GLRB: variants seen among roughly 807,000 people sequenced by gnomAD.
The protein encoded by GLRB is glycine receptor subunit beta.
Under a neutral mutation model 54.2 loss-of-function variants are expected in GLRB, and 33 were observed. The ratio of observed to expected loss-of-function variants is 0.61; its 90% CI spans 0.46 to 0.81. GLRB has a LOEUF of 0.81. Among genes scored for constraint, GLRB ranks in the 40% least tolerant of loss-of-function variants. The probability of loss-of-function intolerance (pLI) is 0.00; values close to 1 mark genes in which losing one functional copy is unlikely to be tolerated. For missense variants in GLRB, 572 were observed against 584.6 expected (o/e 0.98, Z 0.22); for synonymous variants, 209 against 208.2 (o/e 1.00, Z -0.03).
At chr4:157,097,044 A>G (rs916110543) in intron 2 of GLRB, among the ~76,000 whole-genome samples, 5 of 152,142 alleles carry the variant, frequency 3.3e-5, no homozygotes, top group Non-Finnish European at 5.9e-5. Context: ...CCCTCCTTTC[A>G]TTGACTTGGT....
intron 2 of GLRB, among the ~76,000 whole-genome samples, chr4:157,079,000 C>T (rs1278584191): frequency 2.0e-5 from 3 of 152,176 alleles, no homozygotes; most frequent in Non-Finnish European, 2.9e-5. Context: ...TCTCCAACTC[C>T]TGACCCTGGG....
chr4:157,158,657 T>C (rs1321595466), intron 9 of GLRB, among the ~76,000 whole-genome samples: 1 of 152,220 alleles, frequency 6.6e-6, no homozygotes, highest in African/African-American at 2.4e-5. Context: ...TGTGGTATTA[T>C]TTCCAAGGGC....
At chr4:157,089,539 C>A (rs377074073) in intron 2 of GLRB, among the ~76,000 whole-genome samples, 106 of 152,320 alleles carry the variant, frequency 7.0e-4, no homozygotes, top group African/African-American at 2.5e-3. Context: ...TTTCACCCAT[C>A]CCACATGTGG....
At chr4:157,162,455 C>T (rs1205330579) in intron 9 of GLRB, among the ~76,000 whole-genome samples, 1 of 152,180 alleles carries the variant, frequency 6.6e-6, no homozygotes, top group African/African-American at 2.4e-5. Context: ...TCTGGTTTCT[C>T]CCTATCTTTG....
chr4:157,099,549 C>T (rs1371886777), intron 2 of GLRB, among the ~76,000 whole-genome samples: 3 of 152,098 alleles, frequency 2.0e-5, no homozygotes, highest in African/African-American at 7.2e-5. Context: ...GTTGGCCAGG[C>T]TGTCTGGAAC....
rs1463345377 is a variant in GLRB at position 157,095,387 on chromosome 4, C to G, written c.122+17241C>G. On this transcript the variant is annotated intron_variant, in intron 2 of 9. Coordinates refer to ENST00000264428, the MANE Select transcript of GLRB (RefSeq NM_000824.5). ...GAGTAGATAGGAAATGAGGGGAAAACAAGAGTTTAGTTCTGGATGTGTTAA... is the reference window on the plus strand; with the variant it reads ...GAGTAGATAGGAAATGAGGGGAAAAGAAGAGTTTAGTTCTGGATGTGTTAA... Among the ~76,000 whole-genome samples the G allele has an allele frequency of 3.3e-5, 5 of 149,334 alleles. 1 individual carries two copies. Among genetic ancestry groups the G allele is most frequent in the Non-Finnish European group, 1.5e-5 (1 of 67,544 alleles).
At chr4:157,081,026 T>C (rs1300585704) in intron 2 of GLRB, among the ~76,000 whole-genome samples, 1 of 152,214 alleles carries the variant, frequency 6.6e-6, no homozygotes, top group African/African-American at 2.4e-5. Flanking sequence ...TAAACTTTTC[T>C]TGGCCTCTTT....
chr4:157,141,040 T>C (rs146527738), intron 7 of GLRB, among the ~76,000 whole-genome samples: 1 of 152,066 alleles, frequency 6.6e-6, no homozygotes, highest in East Asian at 1.9e-4. Context: ...CATATTTCAA[T>C]GTGGTAAACA....
intron 3 of GLRB, 139 bp downstream of exon 3, chr4:157,120,801 G>A (rs1735788998): frequency 3.9e-6 from 2 of 508,602 alleles, no homozygotes; most frequent in East Asian, 3.6e-5. Flanking sequence ...TAACAAAAAT[G>A]TCCTTAAGTT....
intron 1 of GLRB, chr4:157,076,706 G>A (rs1026345069): frequency 2.0e-5 from 3 of 152,548 alleles, no homozygotes; most frequent in African/African-American, 7.2e-5. Context: ...GAAGCGTTAG[G>A]GGGGCTCGGC....
chr4:157,110,005 G>A (rs1223052602), intron 2 of GLRB, among the ~76,000 whole-genome samples: 1 of 151,888 alleles, frequency 6.6e-6, no homozygotes, highest in Non-Finnish European at 1.5e-5. Flanking sequence ...TCATCATAAA[G>A]CCATGATTGA....
Position 157,103,299 on chromosome 4 carries a change from G to A in GLRB, c.123-17257G>A, listed in dbSNP as rs555565512. Reference sequence around the variant, plus strand: ...AGAAAGTTGCTGAAATCAGTCTCTCGTCCAATCACAGCTGTAGTTATGGCT... The same window carrying A: ...AGAAAGTTGCTGAAATCAGTCTCTCATCCAATCACAGCTGTAGTTATGGCT... On this transcript the variant is annotated intron_variant, in intron 2 of 9. Transcript: ENST00000264428. Among the ~76,000 whole-genome samples, 116 of 152,206 alleles carry A rather than the reference G, an allele frequency of 7.6e-4. No homozygotes were observed. The South Asian group carries it at 0.011, about 14-fold the overall frequency.
Position 157,105,709 on chromosome 4 carries a change from G to A in GLRB, c.123-14847G>A, listed in dbSNP as rs1054598674. Among the ~76,000 whole-genome samples the A allele has an allele frequency of 5.9e-5, 9 of 151,932 alleles. No homozygotes were observed. In the East Asian group the frequency reaches 1.2e-3, roughly 20 times the overall value. On this transcript the variant is annotated intron_variant, in intron 2 of 9. Transcript: ENST00000264428. Reference sequence around the variant, plus strand: ...TTCTGTGGCCCTATGTTGGATGCACGCACACTTATTATTGTTACATCTTCC... The same window carrying A: ...TTCTGTGGCCCTATGTTGGATGCACACACACTTATTATTGTTACATCTTCC...
At chr4:157,131,605 C>T (rs1444624816) in intron 4 of GLRB, among the ~76,000 whole-genome samples, 2 of 151,716 alleles carry the variant, frequency 1.3e-5, no homozygotes, top group African/African-American at 4.8e-5. Flanking sequence ...TCTCTAAATT[C>T]TGGAACCACT....
intron 4 of GLRB, among the ~76,000 whole-genome samples, chr4:157,129,592 ATC>A (rs1356416557): frequency 6.6e-6 from 1 of 151,826 alleles, no homozygotes; most frequent in Non-Finnish European, 1.5e-5. Context: ...ATAGAAAAGA[ATC>A]TTTGAAGCAC....
intron 9 of GLRB, among the ~76,000 whole-genome samples, chr4:157,159,022 A>T (rs1429868420): frequency 6.6e-6 from 1 of 152,116 alleles, no homozygotes; most frequent in Admixed American, 6.5e-5. Flanking sequence ...AGTAGTTCGT[A>T]GTTCTCCTTG....
At chr4:157,163,213 G>A (rs1188084515) in intron 9 of GLRB, among the ~76,000 whole-genome samples, 1 of 152,068 alleles carries the variant, frequency 6.6e-6, no homozygotes, top group East Asian at 1.9e-4. Context: ...GGAGTGTCCC[G>A]ATTTTCCAGG....
At chr4:157,144,288 A>G (rs1736727033) in intron 8 of GLRB, among the ~76,000 whole-genome samples, 1 of 152,194 alleles carries the variant, frequency 6.6e-6, no homozygotes, top group Admixed American at 6.5e-5. Context: ...ATGAATAACT[A>G]TTTCGAAGGA....
At chr4:157,163,450 C>T (rs956732808) in intron 9 of GLRB, among the ~76,000 whole-genome samples, 1 of 152,174 alleles carries the variant, frequency 6.6e-6, no homozygotes, top group Non-Finnish European at 1.5e-5. Context: ...CATCTTGGAA[C>T]CTATGATCAT....
Sources: allele counts gnomAD v4.1 joint callset (sites outside exome capture counted in the v4.1 genomes callset), GRCh38; gene constraint gnomAD v4.1.1; transcripts MANE v1.5; gene names NCBI Gene and HGNC (gene_info 2026-07-23, HGNC 2026-07-21).